Variants in SZT2 observed in about 807,000 individuals in gnomAD.
SZT2 encodes the protein KICSTOR complex protein SZT2.
SZT2 carries 216 observed loss-of-function variants against 404.2 expected under a neutral mutation model. The observed-to-expected ratio is 0.53, with a 90% CI of 0.48 to 0.60. The LOEUF (loss-of-function observed/expected upper bound fraction) is 0.60. SZT2 is among the 20% of genes least tolerant of loss of function. The probability of loss-of-function intolerance (pLI) is 0.00; values close to 1 mark genes in which losing one functional copy is unlikely to be tolerated. For synonymous variants in SZT2, 1,693 were observed against 1,749.9 expected (o/e 0.97, Z 0.81); for missense variants, 3,857 against 4,459.2 (o/e 0.86, Z 3.85).
chr1:43,446,740 T>C (rs1655717936), intron 65 of SZT2: 1 of 626,708 alleles, frequency 1.6e-6, no homozygotes, highest in African/African-American at 1.8e-5. Context: ...TTTCTGAAAA[T>C]GGCCCTAGTT....
chr1:43,452,716 C>T lies in SZT2; in HGVS notation c.*2236C>T. The T allele has an allele frequency of 1.6e-6, 1 of 624,916 alleles. No individual in the cohort carries two copies. Among genetic ancestry groups the T allele is most frequent in the Non-Finnish European group, 2.8e-6 (1 of 353,396 alleles). The allele number at this position is 624,916 out of a possible 1,614,324, so 38.7% of individuals were successfully genotyped here. Reference sequence around the variant, plus strand: ...TTAGCCTTTTCCCATCTGTTTTCTGCCCCCACCATTGACCAGTAGTGATCC... The same window carrying T: ...TTAGCCTTTTCCCATCTGTTTTCTGTCCCCACCATTGACCAGTAGTGATCC... On this transcript the variant is annotated 3_prime_UTR_variant, in exon 72 of 72. Transcript: ENST00000634258.
At chr1:43,418,328 A>G (rs1336369719) in intron 7 of SZT2, among the ~76,000 whole-genome samples, 1 of 152,200 alleles carries the variant, frequency 6.6e-6, no homozygotes, top group Admixed American at 6.5e-5. Context: ...AAGGAAGGAA[A>G]AAGGAGGCTG....
intron 4 of SZT2, among the ~76,000 whole-genome samples, chr1:43,408,910 G>A (rs1355739030): frequency 6.6e-6 from 1 of 152,146 alleles, no homozygotes; most frequent in Non-Finnish European, 1.5e-5. Context: ...TGTTCCATGG[G>A]GTCAGGGTCC....
rs141284022 is a variant in SZT2 at position 43,435,272 on chromosome 1, C to G, written c.5977C>G (p.Leu1993Val). The G allele has an allele frequency of 6.2e-7, 1 of 1,614,258 alleles. No homozygotes were observed. Among genetic ancestry groups the G allele is most frequent in the Non-Finnish European group, 8.5e-7 (1 of 1,180,056 alleles). The change falls in exon 42 of 72, where the codon CTG (leucine) becomes GTG (valine). Residue 1993 changes from leucine to valine, a missense_variant. Leu to Val is a conservative substitution (Grantham distance 32, BLOSUM62 1). Transcript: ENST00000634258. ...TCTGGTGGCCGAGAGTGAAGAAGAT[C>G]TGTGGCGCAGTGAGACTCCCTTCCA... ...SLLVAESEED[L>V]WRSETPFHSR...
At position 43,431,812 on chromosome 1, in the gene SZT2, A is replaced by G. The variant is rs1653924935; in HGVS notation, c.5185A>G (p.Ser1729Gly). Residue 1729 changes from serine to glycine, a missense_variant, in exon 36 of 72, where the codon AGT (serine) becomes GGT (glycine). Physicochemically the swap from Ser to Gly is moderately conservative, Grantham distance 56 (BLOSUM62 0). Around this residue, in one of 7 missense-constraint regions of SZT2, gnomAD observed 1,725 missense variants for 1,881.0 expected, o/e 0.92. Coordinates refer to ENST00000634258, the MANE Select transcript of SZT2 (RefSeq NM_001365999.1). ...ALHRAAAHIH[S>G]SPGRSTCLRQ... ...GCACCGCGCAGCTGCCCATATCCATAGTTCTCCTGGACGCTCCACCTGCCT... is the reference window on the plus strand; with the variant it reads ...GCACCGCGCAGCTGCCCATATCCATGGTTCTCCTGGACGCTCCACCTGCCT... 6.2e-7 allele frequency: 1 copy of G among 1,614,188 alleles called. No homozygotes were observed. The highest frequency in any genetic ancestry group is 8.5e-7 in the Non-Finnish European group (1 of 1,180,030).
intron 1 of SZT2, among the ~76,000 whole-genome samples, chr1:43,401,467 CT>C (rs904996100): frequency 4.6e-5 from 7 of 151,566 alleles, no homozygotes; most frequent in Non-Finnish European, 1.0e-4. Flanking sequence ...CTACAGAGTA[CT>C]TTTTTTTTCT....
Position 43,442,695 on chromosome 1 carries a change from G to A in SZT2, c.8151+77G>A. 6.5e-7 allele frequency: 1 copy of A among 1,535,812 alleles called. No individual in the cohort carries two copies. The highest frequency in any genetic ancestry group is 1.8e-4 in the Middle Eastern group (1 of 5,704). On this transcript the variant is annotated intron_variant, in intron 58 of 71. Transcript: ENST00000634258. The surrounding 1 kb of genome is among the most constrained non-coding windows in gnomAD (Gnocchi z 4.5). The stretch of plus-strand genomic sequence containing the variant: ...AAAGGAAAAACCAGCTCAGAAGCCA[G>A]AAAGATGGGACAGACTGAGGGCAGA...
intron 42 of SZT2, chr1:43,435,922 A>G (rs1654412806): frequency 6.6e-6 from 1 of 152,210 alleles, no homozygotes; most frequent in Non-Finnish European, 1.5e-5. Context: ...GAGTGAGAAC[A>G]AGCGGGCCAG....
chr1:43,405,318 A>ATT, intron 4 of SZT2: 1 of 148,700 alleles, frequency 6.7e-6, no homozygotes, highest in East Asian at 2.0e-4. Context: ...AGTGTGGGTC[A>ATT]TTTTTTTTTT....
At chr1:43,414,050 G>A (rs1021539188) in intron 4 of SZT2, among the ~76,000 whole-genome samples, 1 of 152,132 alleles carries the variant, frequency 6.6e-6, no homozygotes, top group Admixed American at 6.5e-5. Context: ...GGGAGGCTGA[G>A]GTGGGTGGAT....
chr1:43,423,370 G>A, intron 15 of SZT2, 54 bp downstream of exon 15: 2 of 1,479,492 alleles, frequency 1.4e-6, no homozygotes, highest in Non-Finnish European at 1.8e-6. Context: ...GTGGTACAGA[G>A]GTGTGGAGGG....
rs1371061790 is a variant in SZT2 at position 43,426,480 on chromosome 1, C to G, written c.3156C>G (p.Thr1052=). The G allele has an allele frequency of 2.5e-6, 4 of 1,596,698 alleles. No homozygotes were observed. Among genetic ancestry groups the G allele is most frequent in the African/African-American group, 1.3e-5 (1 of 74,960 alleles). Residue 1052 remains threonine (T), a synonymous_variant, in exon 22 of 72, where the codon ACC becomes ACG. Coordinates refer to ENST00000634258, the MANE Select transcript of SZT2 (RefSeq NM_001365999.1). The surrounding 1 kb of genome is among the most constrained non-coding windows in gnomAD (Gnocchi z 4.9). ...TGAGTGACCGGGAGATCCCACTGACCCCCGTTGACCAGGCTGCCTTCTTGA... is the reference window on the plus strand; with the variant it reads ...TGAGTGACCGGGAGATCCCACTGACGCCCGTTGACCAGGCTGCCTTCTTGA... The part of the protein sequence containing the change: ...QELSDREIPL[T]PVDQAAFLSE...
At position 43,424,340 on chromosome 1, in the gene SZT2, C is replaced by T. The variant is rs1354653702; in HGVS notation, c.2379C>T (p.Leu793=). The T allele has an allele frequency of 1.3e-6, 2 of 1,598,124 alleles. No homozygotes were observed. The highest frequency in any genetic ancestry group is 1.1e-5 in the South Asian group (1 of 91,088). The change falls in exon 16 of 72, where the codon CTC becomes CTT. Residue 793 remains leucine (L), a synonymous_variant. Transcript: ENST00000634258. This position sits in a 1 kb window ranked among gnomAD's most constrained non-coding sequence, Gnocchi z 4.1. ...GCCTGGCGTCACTGTCCCGCTACCT[C>T]TACCATCAGCGCTGGCTTTGGAGTG... ...SSSLASLSRY[L]YHQRWLWSVP...
At chr1:43,432,681 C>G in intron 38 of SZT2, 47 bp from the exon 39 acceptor site, 4 of 1,613,378 alleles carry the variant, frequency 2.5e-6, no homozygotes, top group Non-Finnish European at 3.4e-6. Context: ...GAGGGAGGCC[C>G]TAGACAGGAT....
At position 43,431,103 on chromosome 1, in the gene SZT2, G is replaced by C. The variant is rs1478346772; in HGVS notation, c.4916+13G>C. On this transcript the variant is annotated intron_variant, in intron 33 of 71. Transcript: ENST00000634258. ...CTCAGCACCACCGGTGTGGCAGCAA[G>C]TTTGGTGGGGGGTTTGGGACCTTTT... is the stretch of plus-strand genomic sequence containing the variant. The C allele has an allele frequency of 1.2e-6, 2 of 1,611,170 alleles. No homozygotes were observed. The highest frequency in any genetic ancestry group is 3.4e-5 in the Admixed American group (2 of 59,306).
Position 43,453,159 on chromosome 1 carries a change from G to C in SZT2, c.*2679G>C, listed in dbSNP as rs188259718. 2 of 661,762 alleles carry C rather than the reference G, an allele frequency of 3.0e-6. No individual in the cohort carries two copies. Among genetic ancestry groups the C allele is most frequent in the Admixed American group, 4.6e-5 (2 of 43,948 alleles). 41.0% of individuals were successfully genotyped at this position (661,762 alleles called of 1,614,324 possible). On this transcript the variant is annotated 3_prime_UTR_variant, in exon 72 of 72. Coordinates refer to ENST00000634258, the MANE Select transcript of SZT2 (RefSeq NM_001365999.1). ...TCTCCTATCTGCCTAGGCAGACTGA[G>C]CTCCCAGCATGGGATCCCAGCATGG...
At position 43,404,570 on chromosome 1, in the gene SZT2, A is replaced by C. The variant is rs1347385043; in HGVS notation, c.498+20A>C. 4 of 1,604,370 alleles carry C rather than the reference A, an allele frequency of 2.5e-6. No individual in the cohort carries two copies. Among genetic ancestry groups the C allele is most frequent in the Non-Finnish European group, 3.4e-6 (4 of 1,173,710 alleles). On this transcript the variant is annotated intron_variant, in intron 4 of 71. Coordinates refer to ENST00000634258, the MANE Select transcript of SZT2 (RefSeq NM_001365999.1). ...CACCAGGTATTGCATCATCTCTCCA[A>C]GTTTGTACCCTCAGACCAAATTTCT...
chr1:43,413,970 AAC>A (rs1289502673), intron 4 of SZT2, among the ~76,000 whole-genome samples: 15 of 152,220 alleles, frequency 9.9e-5, no homozygotes, highest in Non-Finnish European at 1.5e-5. Context: ...GATTGTTTGT[AAC>A]ACAAAAAATA....
chr1:43,450,933 C>T lies in SZT2; in HGVS notation c.*453C>T, dbSNP rs1656319688. 1 of 756,154 alleles carries T rather than the reference C, an allele frequency of 1.3e-6. No individual in the cohort carries two copies. The highest frequency in any genetic ancestry group is 2.4e-6 in the Non-Finnish European group (1 of 412,626). The allele number at this position is 756,154 out of a possible 1,614,324, so 46.8% of individuals were successfully genotyped here. A position where few individuals can be genotyped will look rare whatever the true frequency, so the allele number is the denominator to read the frequency against. On this transcript the variant is annotated 3_prime_UTR_variant, in exon 72 of 72. Transcript: ENST00000634258. This position sits in a 1 kb window ranked among gnomAD's most constrained non-coding sequence, Gnocchi z 4.3. ...GCTGGACATTCCCATCGAGATGACA[C>T]CTGGGTTCCAATCCCAGCTCTGCCT...
Sources: gnomAD v4.1 joint callset for allele counts (sites outside exome capture counted in the v4.1 genomes callset) on GRCh38, gnomAD v4.1.1 for gene constraint, gnomAD v4.1.1 regional missense constraint, Gnocchi (gnomAD v3.1) non-coding constraint, MANE v1.5 for transcripts, NCBI Gene and HGNC (gene_info 2026-07-23, HGNC 2026-07-21) for gene names.